KIAA0232: variants seen among roughly 807,000 people sequenced by gnomAD.
KIAA0232 encodes the protein uncharacterized protein KIAA0232.
Under a neutral mutation model 122.0 loss-of-function variants are expected in KIAA0232, and 27 were observed. The observed-to-expected ratio is 0.22, with a 90% CI of 0.16 to 0.31. The LOEUF (loss-of-function observed/expected upper bound fraction) is 0.31, where lower values mean the gene tolerates loss of function less well. Ranked by LOEUF, KIAA0232 falls within the 10% of genes least tolerant of loss-of-function variation. The pLI, the probability that KIAA0232 is intolerant of heterozygous loss-of-function variation, is 1.00. For synonymous variants in KIAA0232, 613 were observed against 587.6 expected, an observed-to-expected ratio of 1.04 and a Z score of -0.63; for missense variants, 1,551 against 1,634.2, an observed-to-expected ratio of 0.95 and a Z score of 0.88.
At position 6,792,507 on chromosome 4, in the gene KIAA0232, G is replaced by A. The variant is rs190859269; in HGVS notation, c.-354+9666G>A. On this transcript the variant is annotated intron_variant, in intron 1 of 9. Transcript: ENST00000307659. The stretch of plus-strand genomic sequence containing the variant: ...AAGGCCGGATGTTTTGTTTTCTGAA[G>A]TAGTCCTGTGAGATAATTTCATACA... Among the ~76,000 whole-genome samples the A allele has an allele frequency of 3.0e-3, 461 of 152,174 alleles. 2 individuals are homozygous for A. Among genetic ancestry groups the A allele is most frequent in the African/African-American group, 0.01 (434 of 41,536 alleles).
At chr4:6,835,438 A>G (rs181023436) in intron 3 of KIAA0232, among the ~76,000 whole-genome samples, 1 of 152,204 alleles carries the variant, frequency 6.6e-6, no homozygotes, top group Non-Finnish European at 1.5e-5. Flanking sequence ...TTCCAAAGAA[A>G]AAACAAGCCT....
At chr4:6,793,082 G>A (rs149299027) in intron 1 of KIAA0232, among the ~76,000 whole-genome samples, 8 of 152,202 alleles carry the variant, frequency 5.3e-5, no homozygotes, top group South Asian at 2.1e-4. Flanking sequence ...ATAAAAACTC[G>A]TAGTAAGAAC....
rs1319163477 is a variant in KIAA0232 at position 6,860,998 on chromosome 4, T to A, written c.616T>A (p.Ser206Thr). ...GTCTAAAGTCTGTTCTTACTCTAGCTCTTCTTCATCATCCACAGCCCCACC... is the reference window on the plus strand; with the variant it reads ...GTCTAAAGTCTGTTCTTACTCTAGCACTTCTTCATCATCCACAGCCCCACC... ...NKSKVCSYSSSSSSSTAPPAS... is the reference protein window; with the variant it reads ...NKSKVCSYSSTSSSSTAPPAS... The change falls in exon 7 of 10, where the codon TCT becomes ACT. Residue 206 changes from serine to threonine, a missense_variant. Physicochemically the swap from Ser to Thr is moderately conservative, Grantham distance 58. Around this residue, in one of 5 missense-constraint regions of KIAA0232, gnomAD observed 377 missense variants for 381.7 expected, o/e 0.99. Coordinates refer to ENST00000307659, the MANE Select transcript of KIAA0232 (RefSeq NM_014743.3). The A allele has an allele frequency of 6.2e-7, 1 of 1,614,182 alleles. No homozygotes were observed. Among genetic ancestry groups the A allele is most frequent in the Admixed American group, 1.7e-5 (1 of 60,016 alleles).
At chr4:6,786,329 T>G (rs1716616012) in intron 1 of KIAA0232, among the ~76,000 whole-genome samples, 1 of 152,230 alleles carries the variant, frequency 6.6e-6, no homozygotes, top group Non-Finnish European at 1.5e-5. Flanking sequence ...TGAGACAGCA[T>G]CTTGCTTTGT....
In KIAA0232 at chr4:6,861,524, C is replaced by T. The variant is rs79520450; in HGVS notation, c.1142C>T (p.Thr381Ile). 7.9e-4 allele frequency: 1,269 copies of T among 1,614,010 alleles called. 13 individuals are homozygous for T. The East Asian group carries it at 0.011, about 15-fold the overall frequency. The change falls in exon 7 of 10, where the codon ACT (threonine) becomes ATT (isoleucine). Residue 381 changes from threonine (T) to isoleucine (I), a missense_variant. Physicochemically the swap from Thr to Ile is moderately conservative, Grantham distance 89. Transcript: ENST00000307659. The part of the protein sequence containing the change: ...KEIGRKDPGS[T>I]EGKDLYMENR... ...ATAGGGAGAAAAGATCCTGGGAGCA[C>T]TGAAGGAAAAGACCTGTACATGGAG...
intron 1 of KIAA0232, among the ~76,000 whole-genome samples, chr4:6,785,540 C>T (rs1449229109): frequency 6.6e-6 from 1 of 152,154 alleles, no homozygotes; most frequent in Non-Finnish European, 1.5e-5. Flanking sequence ...AGACTCAAAC[C>T]CTTTAAAAAT....
chr4:6,833,060 A>T (rs1719075898), intron 3 of KIAA0232, among the ~76,000 whole-genome samples: 1 of 152,178 alleles, frequency 6.6e-6, no homozygotes, highest in Admixed American at 6.5e-5. Context: ...TATTTGTAAC[A>T]TACTCCTGTA....
Position 6,792,701 on chromosome 4 carries a change from T to G in KIAA0232, c.-354+9860T>G, listed in dbSNP as rs970684540. 1.0e-3 allele frequency among the ~76,000 whole-genome samples: 153 copies of G among 150,136 alleles called. 1 individual carries two copies. Among genetic ancestry groups the G allele is most frequent in the South Asian group, 6.0e-3 (28 of 4,698 alleles). On this transcript the variant is annotated intron_variant, in intron 1 of 9. Transcript: ENST00000307659. ...CTTAGGTTTTTTTTTTTTTGTTTTTTTTTTTTGAGACAGAGTCTCACTCTG... is the reference window on the plus strand; with the variant it reads ...CTTAGGTTTTTTTTTTTTTGTTTTTGTTTTTTGAGACAGAGTCTCACTCTG...
At chr4:6,837,140 C>T (rs1719342426) in intron 3 of KIAA0232, among the ~76,000 whole-genome samples, 3 of 150,924 alleles carry the variant, frequency 2.0e-5, no homozygotes, top group Non-Finnish European at 3.0e-5. Flanking sequence ...GGGGCTGCCC[C>T]CCACCTCCCG....
chr4:6,833,158 A>G lies in KIAA0232; in HGVS notation c.231+8474A>G, dbSNP rs139898112. ...TTTATTAGAATCTTTAACAATAGGAACTGTAAAAGTCTGACCATAAAGCGC... is the reference window on the plus strand; with the variant it reads ...TTTATTAGAATCTTTAACAATAGGAGCTGTAAAAGTCTGACCATAAAGCGC... On this transcript the variant is annotated intron_variant, in intron 3 of 9. Coordinates refer to ENST00000307659, the MANE Select transcript of KIAA0232 (RefSeq NM_014743.3). 2.5e-3 allele frequency among the ~76,000 whole-genome samples: 388 copies of G among 152,312 alleles called. 1 individual carries two copies. The highest frequency in any genetic ancestry group is 9.2e-3 in the African/African-American group (384 of 41,556).
chr4:6,846,861 G>T (rs1051705738), intron 4 of KIAA0232, among the ~76,000 whole-genome samples: 1 of 152,072 alleles, frequency 6.6e-6, no homozygotes, highest in Non-Finnish European at 1.5e-5. Context: ...GTGAATGTTT[G>T]CATATAAGTA....
At chr4:6,804,704 A>G (rs577306238) in intron 2 of KIAA0232, 98 bp downstream of exon 2, 2 of 152,350 alleles carry the variant, frequency 1.3e-5, no homozygotes, top group Admixed American at 1.3e-4. Context: ...GAATAGTACA[A>G]TTTATGCAAG....
At chr4:6,866,098 C>A in intron 7 of KIAA0232, 1 of 347,212 alleles carries the variant, frequency 2.9e-6, no homozygotes, top group Non-Finnish European at 4.1e-6. Context: ...AAGAAAAAAC[C>A]CAATAATATT....
rs1490532677 is a variant in KIAA0232 at position 6,862,245 on chromosome 4, A to T, written c.1863A>T (p.Thr621=). ...PVRLSPILDS[T]VLNSHLLAGN... is the part of the protein sequence containing the mutation. ...GACTCTCTCCCATCTTAGACAGCACAGTGCTCAATTCACACCTGCTTGCTG... is the reference window on the plus strand; with the variant it reads ...GACTCTCTCCCATCTTAGACAGCACTGTGCTCAATTCACACCTGCTTGCTG... Residue 621 remains threonine, a synonymous_variant, in exon 7 of 10, where the codon ACA becomes ACT. Transcript: ENST00000307659. 6.2e-7 allele frequency: 1 copy of T among 1,614,188 alleles called. No homozygotes were observed. The highest frequency in any genetic ancestry group is 8.5e-7 in the Non-Finnish European group (1 of 1,180,034).
At chr4:6,834,341 A>C (rs1191505042) in intron 3 of KIAA0232, among the ~76,000 whole-genome samples, 1 of 152,134 alleles carries the variant, frequency 6.6e-6, no homozygotes, top group African/African-American at 2.4e-5. Flanking sequence ...CATTTTATGT[A>C]CTGATAATAT....
At chr4:6,785,737 C>G (rs773265586) in intron 1 of KIAA0232, among the ~76,000 whole-genome samples, 1 of 152,168 alleles carries the variant, frequency 6.6e-6, no homozygotes, top group East Asian at 1.9e-4. Context: ...TGGTTTGGAG[C>G]TTAGAATTCA....
intron 7 of KIAA0232, 137 bp from the exon 8 acceptor site, chr4:6,871,433 CAAAA>C (rs1560209955): frequency 1.9e-5 from 11 of 576,040 alleles, no homozygotes; most frequent in Admixed American, 3.1e-5. Flanking sequence ...GACCCTATCT[CAAAA>C]AGAAAGAAAG....
At chr4:6,845,351 G>T (rs1337123372) in intron 4 of KIAA0232, among the ~76,000 whole-genome samples, 1 of 151,992 alleles carries the variant, frequency 6.6e-6, no homozygotes, top group Non-Finnish European at 1.5e-5. Flanking sequence ...TGGGTTTTTT[G>T]GTTTTTTGTT....
chr4:6,833,000 G>A (rs1266021733), intron 3 of KIAA0232, among the ~76,000 whole-genome samples: 1 of 152,170 alleles, frequency 6.6e-6, no homozygotes, highest in Non-Finnish European at 1.5e-5. Flanking sequence ...TGAGTGCTAG[G>A]TGAGACTCAT....
Sources: allele counts gnomAD v4.1 joint callset (sites outside exome capture counted in the v4.1 genomes callset), GRCh38; gene constraint gnomAD v4.1.1; regional missense constraint gnomAD v4.1.1; transcripts MANE v1.5; gene names NCBI Gene and HGNC (gene_info 2026-07-23, HGNC 2026-07-21).